The following DGKI variants were observed in gnomAD, a reference collection of about 807,000 sequenced individuals.
DGKI encodes the protein diacylglycerol kinase iota.
In DGKI, 55 loss-of-function variants were observed where a neutral mutation model predicts 147.5. The ratio of observed to expected loss-of-function variants is 0.37; its 90% confidence interval spans 0.30 to 0.47. The LOEUF is 0.47. DGKI is among the 20% of genes least tolerant of loss of function. The pLI, the probability that DGKI is intolerant of heterozygous loss-of-function variation, is 1.00. For missense variants in DGKI, 1,007 were observed against 1,323.8 expected, an observed-to-expected ratio of 0.76 and a Z score of 3.71; for synonymous variants, 469 against 477.1, an observed-to-expected ratio of 0.98 and a Z score of 0.22.
At chr7:137,720,250 CTTTTTTTTTTT>C (rs552382033) in intron 1 of DGKI, among the ~76,000 whole-genome samples, 10 of 88,220 alleles carry the variant, frequency 1.1e-4, no homozygotes, top group Admixed American at 3.3e-4. Flanking sequence ...TTGAAAAAAT[CTTTTTTTTTTT>C]TTTTTTTTTT....
chr7:137,395,404 C>T lies in DGKI; in HGVS notation c.3057+194G>A, dbSNP rs781434801. On this transcript the variant is annotated intron_variant, in intron 32 of 32. Transcript: ENST00000614521. ...TTATAAAGCCCCATAGGCAAGCACA[C>T]GCCCTCCCTTTGTGCTTATACATTT... is the stretch of plus-strand genomic sequence containing the variant. Among the ~76,000 whole-genome samples, 7 of 152,340 alleles carry T rather than the reference C, an allele frequency of 4.6e-5. No individual in the cohort carries two copies. In the East Asian group the frequency reaches 5.8e-4, roughly 13 times the overall value.
intron 1 of DGKI, among the ~76,000 whole-genome samples, chr7:137,795,091 A>G (rs1429630226): frequency 6.6e-6 from 1 of 152,228 alleles, no homozygotes; most frequent in African/African-American, 2.4e-5. Flanking sequence ...GCTCCCTGAA[A>G]GTATGAGAGC....
intron 6 of DGKI, among the ~76,000 whole-genome samples, chr7:137,638,539 T>TAC (rs1821458806): frequency 1.7e-5 from 2 of 119,996 alleles, no homozygotes. Context: ...CACACATATA[T>TAC]GTATATATAT....
At chr7:137,511,482 C>T (rs988054255) in intron 21 of DGKI, among the ~76,000 whole-genome samples, 16 of 152,330 alleles carry the variant, frequency 1.1e-4, no homozygotes, top group African/African-American at 3.6e-4. Flanking sequence ...TCAACTTGTA[C>T]TCCAATTCCC....
intron 1 of DGKI, among the ~76,000 whole-genome samples, chr7:137,717,724 G>A (rs1158620210): frequency 6.6e-6 from 1 of 152,150 alleles, no homozygotes; most frequent in East Asian, 1.9e-4. Flanking sequence ...GGGGAAGTGA[G>A]GCATGGAGAA....
chr7:137,768,891 G>C (rs897105329), intron 1 of DGKI, among the ~76,000 whole-genome samples: 3 of 152,192 alleles, frequency 2.0e-5, no homozygotes. Context: ...CACTTTTACA[G>C]AGGAAGCATT....
intron 27 of DGKI, among the ~76,000 whole-genome samples, chr7:137,444,795 T>C (rs948069105): frequency 2.0e-5 from 3 of 152,232 alleles, no homozygotes; most frequent in African/African-American, 4.8e-5. Context: ...TTCCCCCCAG[T>C]TGACTACTAG....
At chr7:137,752,437 C>T (rs1279707770) in intron 1 of DGKI, among the ~76,000 whole-genome samples, 1 of 151,944 alleles carries the variant, frequency 6.6e-6, no homozygotes, top group African/African-American at 2.4e-5. Flanking sequence ...AGGAGACCAC[C>T]CCTCATATTG....
intron 8 of DGKI, among the ~76,000 whole-genome samples, chr7:137,614,183 G>A (rs115274914): frequency 0.01 from 1,547 of 152,256 alleles, 22 homozygotes; most frequent in African/African-American, 0.036. Flanking sequence ...AAAGAGAATG[G>A]AGGATCCATT....
intron 28 of DGKI, among the ~76,000 whole-genome samples, chr7:137,417,584 TTC>T (rs1182745163): frequency 1.3e-5 from 2 of 152,174 alleles, no homozygotes; most frequent in African/African-American, 4.8e-5. Context: ...AAGAGATGGC[TTC>T]TGTCATGTGG....
intron 8 of DGKI, among the ~76,000 whole-genome samples, chr7:137,613,525 C>T (rs1042736788): frequency 2.0e-5 from 3 of 151,996 alleles, no homozygotes; most frequent in Non-Finnish European, 1.5e-5. Context: ...TATTATTGGT[C>T]GTTGCACAAA....
intron 13 of DGKI, 142 bp downstream of exon 13, chr7:137,586,955 G>A (rs1052212912): frequency 2.3e-5 from 13 of 558,502 alleles, no homozygotes; most frequent in Non-Finnish European, 3.6e-5. Flanking sequence ...TCAAATAAGG[G>A]CTCAAGGGCA....
chr7:137,804,896 T>C (rs962282644), intron 1 of DGKI, among the ~76,000 whole-genome samples: 1 of 152,228 alleles, frequency 6.6e-6, no homozygotes, highest in Admixed American at 6.5e-5. Flanking sequence ...GGTCTCCTTT[T>C]TTATGTTCAA....
chr7:137,566,994 G>C (rs1025533419), intron 19 of DGKI, among the ~76,000 whole-genome samples: 3 of 106,848 alleles, frequency 2.8e-5, no homozygotes, highest in African/African-American at 2.1e-4. Flanking sequence ...GCCAGGCATG[G>C]TGGCTCATGC....
At chr7:137,643,502 T>C (rs1821721624) in intron 6 of DGKI, among the ~76,000 whole-genome samples, 1 of 152,150 alleles carries the variant, frequency 6.6e-6, no homozygotes, top group Non-Finnish European at 1.5e-5. Flanking sequence ...ATCCCACCCA[T>C]CCCATAATTG....
At chr7:137,791,695 C>T (rs774338677) in intron 1 of DGKI, among the ~76,000 whole-genome samples, 5 of 152,178 alleles carry the variant, frequency 3.3e-5, no homozygotes, top group African/African-American at 4.8e-5. Context: ...CGCTAGATAA[C>T]GAATTTAATT....
chr7:137,575,782 A>AT (rs1220811102), intron 17 of DGKI, among the ~76,000 whole-genome samples: 1 of 152,188 alleles, frequency 6.6e-6, no homozygotes, highest in East Asian at 1.9e-4. Flanking sequence ...TTATATTTTT[A>AT]TTGTATGAGA....
At chr7:137,674,145 C>T (rs563469932) in intron 3 of DGKI, among the ~76,000 whole-genome samples, 1 of 152,276 alleles carries the variant, frequency 6.6e-6, no homozygotes, top group East Asian at 1.9e-4. Context: ...GAAACAGTTG[C>T]TAATTTGGGA....
chr7:137,465,800 A>G (rs1814631197), intron 26 of DGKI, 108 bp downstream of exon 26: 1 of 1,396,694 alleles, frequency 7.2e-7, no homozygotes, highest in East Asian at 2.4e-5. Flanking sequence ...AAGAAAATCT[A>G]CACTTCAAAA....
Sources: allele counts gnomAD v4.1 joint callset (sites outside exome capture counted in the v4.1 genomes callset), GRCh38; gene constraint gnomAD v4.1.1; transcripts MANE v1.5; gene names NCBI Gene and HGNC (gene_info 2026-07-23, HGNC 2026-07-21).